Variants in SNX24 observed in about 807,000 individuals in gnomAD.
SNX24 encodes the protein sorting nexin-24.
In SNX24, 22 loss-of-function variants were observed where a neutral mutation model predicts 28.7. The observed-to-expected ratio is 0.77, with a 90% CI of 0.55 to 1.10. SNX24 has a LOEUF of 1.10. Among genes scored for constraint, SNX24 ranks in the 50% least tolerant of loss-of-function variants. SNX24 has a pLI of 0.00. For synonymous variants in SNX24, 69 were observed against 71.5 expected (o/e 0.96, Z 0.18); for missense variants, 221 against 201.1 (o/e 1.10, Z -0.60).
chr5:122,953,366 G>A (rs1581791503), intron 3 of SNX24, among the ~76,000 whole-genome samples: 1 of 152,100 alleles, frequency 6.6e-6, no homozygotes, highest in Admixed American at 6.5e-5. Context: ...TGGCCTCCCA[G>A]AGTGCTAGGA....
intron 5 of SNX24, among the ~76,000 whole-genome samples, chr5:123,021,730 C>G (rs1762765603): frequency 6.6e-6 from 1 of 152,162 alleles, no homozygotes; most frequent in Non-Finnish European, 1.5e-5. Context: ...AAAGACTCAC[C>G]CTGGCACCCA....
intron 3 of SNX24, among the ~76,000 whole-genome samples, chr5:122,962,327 T>C (rs1760517757): frequency 6.6e-6 from 1 of 152,240 alleles, no homozygotes; most frequent in Non-Finnish European, 1.5e-5. Context: ...TAATTTCAAA[T>C]ACATTTTATT....
chr5:122,922,524 A>G (rs1307001141), intron 1 of SNX24, among the ~76,000 whole-genome samples: 1 of 151,718 alleles, frequency 6.6e-6, no homozygotes, highest in Non-Finnish European at 1.5e-5. Context: ...AAGTGCTGGG[A>G]TTACAGGTGT....
intron 5 of SNX24, chr5:123,023,194 A>C (rs1762786968): frequency 1.3e-5 from 2 of 152,256 alleles, no homozygotes; most frequent in Non-Finnish European, 2.9e-5. Flanking sequence ...TGTTACATTG[A>C]ATAACAATAA....
chr5:122,936,721 A>T lies in SNX24; in HGVS notation c.61-13A>T. 1 of 1,489,396 alleles carries T rather than the reference A, an allele frequency of 6.7e-7. No homozygotes were observed. 92.3% of individuals were successfully genotyped at this position (1,489,396 alleles called of 1,614,324 possible). A position where few individuals can be genotyped will look rare whatever the true frequency, so the allele number is the denominator to read the frequency against. ...TGAACTAATATAATTAATCTTTTAA[A>T]TTTTTTCCTCAGGTGTTTAAGATAG... On this transcript the variant is annotated splice_polypyrimidine_tract_variant and intron_variant, in intron 1 of 6. Transcript: ENST00000261369.
intron 1 of SNX24, among the ~76,000 whole-genome samples, chr5:122,877,845 ATG>A (rs1361868868): frequency 6.6e-6 from 1 of 151,974 alleles, no homozygotes; most frequent in East Asian, 1.9e-4. Flanking sequence ...CAATAGGCCA[ATG>A]AATGATGATT....
At chr5:123,005,971 T>C (rs1474831263) in intron 6 of SNX24, among the ~76,000 whole-genome samples, 1 of 152,200 alleles carries the variant, frequency 6.6e-6, no homozygotes, top group East Asian at 1.9e-4. Context: ...TTCTAAGATA[T>C]AGTTTGTGTG....
chr5:122,933,696 C>T (rs1326488613), intron 1 of SNX24, among the ~76,000 whole-genome samples: 1 of 152,124 alleles, frequency 6.6e-6, no homozygotes, highest in Non-Finnish European at 1.5e-5. Flanking sequence ...CAGAAGAGAC[C>T]TTGGTTTTCA....
intron 1 of SNX24, among the ~76,000 whole-genome samples, chr5:122,869,897 G>GAT (rs549232633): frequency 1.4e-5 from 2 of 147,712 alleles, no homozygotes; most frequent in East Asian, 3.9e-4. Flanking sequence ...AGTGCTATGA[G>GAT]TTTTTTTTTT....
intron 3 of SNX24, among the ~76,000 whole-genome samples, chr5:122,956,365 T>TACACAC (rs1460162398): frequency 1.6e-5 from 1 of 61,400 alleles, no homozygotes; most frequent in African/African-American, 8.2e-5. Context: ...AAAAAAAATA[T>TACACAC]ATACACACAC....
At chr5:122,920,548 AGTT>A (rs1210940774) in intron 1 of SNX24, among the ~76,000 whole-genome samples, 1 of 152,232 alleles carries the variant, frequency 6.6e-6, no homozygotes, top group Non-Finnish European at 1.5e-5. Context: ...CTTACAGTGG[AGTT>A]GCAGAGCAAT....
At chr5:122,888,993 C>T (rs1311080471) in intron 1 of SNX24, among the ~76,000 whole-genome samples, 1 of 152,088 alleles carries the variant, frequency 6.6e-6, no homozygotes, top group Non-Finnish European at 1.5e-5. Flanking sequence ...CTGGGATTTA[C>T]AGGCGTGCAT....
intron 3 of SNX24, among the ~76,000 whole-genome samples, chr5:122,977,738 T>C (rs1365960660): frequency 1.3e-5 from 2 of 152,212 alleles, no homozygotes; most frequent in Non-Finnish European, 2.9e-5. Flanking sequence ...GTTAAGAATA[T>C]ATAGTGTTTA....
chr5:122,957,194 A>G (rs1294982100), intron 3 of SNX24, among the ~76,000 whole-genome samples: 1 of 152,138 alleles, frequency 6.6e-6, no homozygotes, highest in Non-Finnish European at 1.5e-5. Flanking sequence ...ATTTTTGCAT[A>G]TGATGTTAGG....
intron 3 of SNX24, among the ~76,000 whole-genome samples, chr5:122,966,270 C>CT (rs928990272): frequency 1.3e-5 from 2 of 152,012 alleles, no homozygotes; most frequent in African/African-American, 2.4e-5. Flanking sequence ...CAAACTTTTT[C>CT]TTTTTTTTAT....
rs1363227031 is a variant in SNX24, at chr5:123,002,175, C to G, written c.442+171C>G. On this transcript the variant is annotated intron_variant, in intron 6 of 6. Coordinates refer to ENST00000261369, the MANE Select transcript of SNX24 (RefSeq NM_014035.4). ...CACTTAGAATTTTAATTGGGGCTGG[C>G]CTTTCAGGAGGAAATGTAATTTTTC... The G allele has an allele frequency of 5.0e-6, 3 of 603,016 alleles. No individual in the cohort carries two copies. In the African/African-American group the frequency reaches 5.5e-5, roughly 11 times the overall value. The allele number at this position is 603,016 out of a possible 1,614,324, so 37.4% of individuals were successfully genotyped here.
chr5:122,889,739 A>ATG (rs56221716), intron 1 of SNX24, among the ~76,000 whole-genome samples: 9,823 of 129,780 alleles, frequency 0.076, 491 homozygotes, highest in African/African-American at 0.16. Flanking sequence ...ATATATATAT[A>ATG]TGTGTATATA....
chr5:122,990,240 A>T (rs1009309927), intron 3 of SNX24, among the ~76,000 whole-genome samples: 1 of 152,214 alleles, frequency 6.6e-6, no homozygotes, highest in Non-Finnish European at 1.5e-5. Flanking sequence ...AAGTTTGCTC[A>T]TTGAGGGTTC....
chr5:122,957,712 T>C lies in SNX24; in HGVS notation c.249+11553T>C, dbSNP rs560081537. On this transcript the variant is annotated intron_variant, in intron 3 of 6. Transcript: ENST00000261369. Reference sequence around the variant, plus strand: ...TCTTTAATTTCTTTCAGACATGTTTTGTAGTTTTCATTGTATAAGTCTTTC... The same window carrying C: ...TCTTTAATTTCTTTCAGACATGTTTCGTAGTTTTCATTGTATAAGTCTTTC... 3.8e-4 allele frequency among the ~76,000 whole-genome samples: 58 copies of C among 152,354 alleles called. No individual in the cohort carries two copies. The South Asian group carries it at 4.1e-3, about 11-fold the overall frequency.
Sources: allele counts gnomAD v4.1 joint callset (sites outside exome capture counted in the v4.1 genomes callset), GRCh38; gene constraint gnomAD v4.1.1; transcripts MANE v1.5; gene names NCBI Gene and HGNC (gene_info 2026-07-23, HGNC 2026-07-21).